MCUB: variants seen among roughly 807,000 people sequenced by gnomAD.
MCUB encodes the protein calcium uniporter regulatory subunit MCUb, mitochondrial.
MCUB carries 46 observed loss-of-function variants against 41.4 expected under a neutral mutation model. The ratio of observed to expected loss-of-function variants is 1.11; its 90% CI spans 0.88 to 1.42. The LOEUF (loss-of-function observed/expected upper bound fraction) is 1.42, where lower values mean the gene tolerates loss of function less well. Ranked by LOEUF, MCUB falls within the 40% of genes most tolerant of loss-of-function variation. The pLI is 0.00. For synonymous variants in MCUB, 148 were observed against 148.2 expected, an observed-to-expected ratio of 1.00 and a Z score of 0.01; for missense variants, 403 against 404.9, an observed-to-expected ratio of 1.00 and a Z score of 0.04.
chr4:109,630,437 G>C (rs1264466325), intron 1 of MCUB, among the ~76,000 whole-genome samples: 1 of 152,088 alleles, frequency 6.6e-6, no homozygotes, highest in Non-Finnish European at 1.5e-5. Context: ...ATTCCAGCCT[G>C]GGTGACACAG....
At chr4:109,656,269 G>A (rs1305495652) in intron 1 of MCUB, among the ~76,000 whole-genome samples, 1 of 149,330 alleles carries the variant, frequency 6.7e-6, no homozygotes, top group Non-Finnish European at 1.5e-5. Context: ...AAGGATACAT[G>A]CCAAACCACT....
rs530548227 is a variant in MCUB, at chr4:109,595,499, A to C, written c.99+35063A>C. 3.7e-5 allele frequency among the ~76,000 whole-genome samples: 4 copies of C among 108,286 alleles called. No homozygotes were observed. In the South Asian group the frequency reaches 1.7e-3, roughly 45 times the overall value. 71.0% of individuals were successfully genotyped at this position (108,286 alleles called of 152,430 possible). A position where few individuals can be genotyped will look rare whatever the true frequency, so the allele number is the denominator to read the frequency against. ...GAAAATTAGAAAAAGCAATTTGAGC[A>C]ATAGTACAATTATGGTGATGATGAG... is the stretch of plus-strand genomic sequence containing the variant. On this transcript the variant is annotated intron_variant, in intron 1 of 7. Coordinates refer to ENST00000394650, the MANE Select transcript of MCUB (RefSeq NM_017918.5).
chr4:109,568,899 G>C (rs1430131575), intron 1 of MCUB, among the ~76,000 whole-genome samples: 1 of 152,174 alleles, frequency 6.6e-6, no homozygotes, highest in Non-Finnish European at 1.5e-5. Flanking sequence ...TTCTGTTCAG[G>C]TTTTATCTTC....
intron 1 of MCUB, among the ~76,000 whole-genome samples, chr4:109,582,056 G>T (rs566717367): frequency 6.6e-6 from 1 of 152,216 alleles, no homozygotes; most frequent in East Asian, 1.9e-4. Context: ...TATAAATCAT[G>T]CTGCTATAAA....
chr4:109,577,229 C>CA (rs1407176491), intron 1 of MCUB, among the ~76,000 whole-genome samples: 1 of 152,182 alleles, frequency 6.6e-6, no homozygotes, highest in Non-Finnish European at 1.5e-5. Flanking sequence ...ATCCTCAGTC[C>CA]AGGTTAAAAC....
chr4:109,604,491 A>C (rs1727825951), intron 1 of MCUB, among the ~76,000 whole-genome samples: 1 of 152,126 alleles, frequency 6.6e-6, no homozygotes, highest in Non-Finnish European at 1.5e-5. Context: ...CTTCCTTTCC[A>C]GTTTGGATGC....
rs189435086 is a variant in MCUB at position 109,566,265 on chromosome 4, C to T, written c.99+5829C>T. On this transcript the variant is annotated intron_variant, in intron 1 of 7. Transcript: ENST00000394650. ...TGGGCAGATCACGAGGTGAGGAGAT[C>T]GAGACTATCCTGGCTAACACGGTGA... 4.6e-4 allele frequency among the ~76,000 whole-genome samples: 70 copies of T among 151,454 alleles called. No homozygotes were observed. The East Asian group carries it at 0.012, about 25-fold the overall frequency.
chr4:109,631,213 T>TTCTG (rs1371501786), intron 1 of MCUB, among the ~76,000 whole-genome samples: 1 of 152,192 alleles, frequency 6.6e-6, no homozygotes, highest in Non-Finnish European at 1.5e-5. Context: ...ATCTGTACAG[T>TTCTG]TCTGTTTGTT....
intron 1 of MCUB, among the ~76,000 whole-genome samples, chr4:109,603,547 C>T (rs1158489294): frequency 8.6e-5 from 13 of 151,792 alleles, no homozygotes; most frequent in South Asian, 4.2e-4. Flanking sequence ...GTGTCTCTGC[C>T]TGGCTGCCCA....
intron 1 of MCUB, among the ~76,000 whole-genome samples, chr4:109,561,740 G>A (rs980013760): frequency 2.0e-5 from 3 of 152,080 alleles, no homozygotes; most frequent in Non-Finnish European, 2.9e-5. Flanking sequence ...TTTAAACACA[G>A]ATTATTGTTT....
intron 1 of MCUB, among the ~76,000 whole-genome samples, chr4:109,656,240 C>T (rs1026154449): frequency 5.3e-5 from 8 of 150,776 alleles, no homozygotes; most frequent in South Asian, 2.1e-4. Flanking sequence ...TGGTAGGTAA[C>T]GTGTAGAAAA....
At chr4:109,606,308 A>G (rs1579062462) in intron 1 of MCUB, among the ~76,000 whole-genome samples, 1 of 151,154 alleles carries the variant, frequency 6.6e-6, no homozygotes, top group Non-Finnish European at 1.5e-5. Flanking sequence ...CCATTTAGCC[A>G]CTCTCTGTCT....
intron 1 of MCUB, among the ~76,000 whole-genome samples, chr4:109,650,597 G>A (rs1339495639): frequency 6.6e-6 from 1 of 152,128 alleles, no homozygotes; most frequent in African/African-American, 2.4e-5. Context: ...AACTATTTGA[G>A]AATACATTGC....
chr4:109,682,897 A>G, intron 5 of MCUB, 155 bp downstream of exon 5: 1 of 571,150 alleles, frequency 1.8e-6, no homozygotes, highest in Non-Finnish European at 3.1e-6. Context: ...TATCTTCCTC[A>G]TTTTTCAGAT....
intron 1 of MCUB, among the ~76,000 whole-genome samples, chr4:109,596,601 G>A (rs1727561061): frequency 6.6e-6 from 1 of 152,104 alleles, no homozygotes; most frequent in African/African-American, 2.4e-5. Flanking sequence ...GACCATGACG[G>A]TGCATCCCCA....
At chr4:109,569,497 C>CTTTTT (rs35808519) in intron 1 of MCUB, among the ~76,000 whole-genome samples, 92 of 87,168 alleles carry the variant, frequency 1.1e-3, no homozygotes, top group Non-Finnish European at 1.2e-3. Flanking sequence ...TTGGCTATCC[C>CTTTTT]TTTTTTTTTT....
chr4:109,650,111 A>C (rs1728926526), intron 1 of MCUB, among the ~76,000 whole-genome samples: 1 of 152,198 alleles, frequency 6.6e-6, no homozygotes, highest in South Asian at 2.1e-4. Context: ...TGAGGTGTAA[A>C]CTAAAAGGAA....
intron 1 of MCUB, among the ~76,000 whole-genome samples, chr4:109,649,111 A>G (rs1029449): frequency 0.7 from 106,852 of 151,994 alleles, 38,228 homozygotes; most frequent in African/African-American, 0.83. Context: ...GCCTATGAGT[A>G]GTTAAACCCT....
intron 4 of MCUB, chr4:109,681,440 G>A (rs1224506504): frequency 2.2e-6 from 1 of 453,490 alleles, no homozygotes; most frequent in Non-Finnish European, 4.4e-6. Context: ...GGTAGAGAGT[G>A]TTACCGGGGG....
Sources: gnomAD v4.1 joint callset for allele counts (sites outside exome capture counted in the v4.1 genomes callset) on GRCh38, gnomAD v4.1.1 for gene constraint, MANE v1.5 for transcripts, NCBI Gene and HGNC (gene_info 2026-07-23, HGNC 2026-07-21) for gene names.